NNT: variants seen among roughly 807,000 people sequenced by gnomAD.
NNT encodes the protein nicotinamide nucleotide transhydrogenase.
Under a neutral mutation model 104.8 loss-of-function variants are expected in NNT, and 50 were observed. That is an observed-to-expected ratio of 0.48 (90% CI 0.38 to 0.60). The LOEUF is 0.60. Ranked by LOEUF, NNT falls within the 20% of genes least tolerant of loss-of-function variation. NNT has a pLI of 0.00. For missense variants in NNT, 1,131 were observed against 1,330.7 expected (o/e 0.85, Z 2.33); for synonymous variants, 461 against 490.4 (o/e 0.94, Z 0.79).
At chr5:43,646,609 A>G (rs1739457709) in intron 10 of NNT, among the ~76,000 whole-genome samples, 1 of 152,082 alleles carries the variant, frequency 6.6e-6, no homozygotes, top group African/African-American at 2.4e-5. Flanking sequence ...GAAGTGATGT[A>G]TGCCATATTG....
At chr5:43,677,074 G>T (rs776667658) in intron 18 of NNT, among the ~76,000 whole-genome samples, 7 of 152,008 alleles carry the variant, frequency 4.6e-5, no homozygotes, top group Admixed American at 2.0e-4. Context: ...AGAGTGTGGG[G>T]TGGGGGGAAA....
At chr5:43,695,406 G>A (rs1313945519) in intron 19 of NNT, among the ~76,000 whole-genome samples, 1 of 152,186 alleles carries the variant, frequency 6.6e-6, no homozygotes, top group Non-Finnish European at 1.5e-5. Flanking sequence ...GCAGTGTGTT[G>A]TGGTGGCCAT....
At chr5:43,698,676 C>T (rs1467035680) in intron 19 of NNT, among the ~76,000 whole-genome samples, 1 of 151,914 alleles carries the variant, frequency 6.6e-6, no homozygotes. Context: ...ATCAATTAGC[C>T]TAGAGTAAAA....
rs1740222000 is a variant in NNT, at chr5:43,659,223, C to T, written c.2507C>T (p.Thr836Ile). ...IGGADMPVVI[T>I]VLNSYSGWAL... ...GGTGCTGACATGCCCGTCGTTATCA[C>T]TGTGCTGAACAGCTACTCAGGCTGG... Residue 836 changes from threonine (T) to isoleucine (I), a missense_variant, in exon 17 of 22, where the codon ACT becomes ATT. Thr to Ile is a moderately conservative substitution (Grantham distance 89). Transcript: ENST00000344920. 1 of 1,613,700 alleles carries T rather than the reference C, an allele frequency of 6.2e-7. No homozygotes were observed. Among genetic ancestry groups the T allele is most frequent in the Non-Finnish European group, 8.5e-7 (1 of 1,179,788 alleles).
At chr5:43,613,164 T>G (rs556309199) in intron 3 of NNT, 27 bp downstream of exon 3, 1 of 1,535,386 alleles carries the variant, frequency 6.5e-7, no homozygotes, top group South Asian at 1.2e-5. Context: ...CCTCTCCCAT[T>G]TACAGCATGC....
rs547921885 is a variant in NNT, at chr5:43,682,360, G to A, written c.2876+4554G>A. Among the ~76,000 whole-genome samples the A allele has an allele frequency of 7.2e-4, 109 of 151,556 alleles. 1 individual carries two copies. Among genetic ancestry groups the A allele is most frequent in the Admixed American group, 3.9e-3 (59 of 15,254 alleles). The stretch of plus-strand genomic sequence containing the variant: ...CAAGTAGCTGGGATTACAGGCATGC[G>A]CCACCACGCCTGACTAATTTTTGTA... On this transcript the variant is annotated intron_variant, in intron 19 of 21. Coordinates refer to ENST00000344920, the MANE Select transcript of NNT (RefSeq NM_182977.3).
chr5:43,700,318 T>C (rs1742784107), intron 20 of NNT, 81 bp downstream of exon 20: 1 of 972,702 alleles, frequency 1.0e-6, no homozygotes. Context: ...GAATTGTAGA[T>C]TCAGTGAAGA....
intron 7 of NNT, among the ~76,000 whole-genome samples, chr5:43,631,868 A>G (rs1357555004): frequency 2.0e-5 from 3 of 151,916 alleles, no homozygotes; most frequent in African/African-American, 7.3e-5. Context: ...CGATCTGAAG[A>G]TTAATGTGAA....
At chr5:43,677,847 A>G in intron 19 of NNT, 41 bp downstream of exon 19, 1 of 1,485,840 alleles carries the variant, frequency 6.7e-7, no homozygotes, top group South Asian at 1.1e-5. Context: ...ATGTGTAAAG[A>G]TGTGTGTGTG....
chr5:43,661,239 GT>G (rs2111977901), intron 17 of NNT, among the ~76,000 whole-genome samples: 1 of 152,192 alleles, frequency 6.6e-6, no homozygotes, highest in Admixed American at 6.5e-5. Context: ...AAGAAGAAAT[GT>G]TTATGAAATT....
At chr5:43,671,042 CTTCT>C (rs1477722798) in intron 17 of NNT, among the ~76,000 whole-genome samples, 1 of 152,120 alleles carries the variant, frequency 6.6e-6, no homozygotes, top group African/African-American at 2.4e-5. Flanking sequence ...ATGTAATGGC[CTTCT>C]TTGTCTCTTT....
At chr5:43,604,996 G>A (rs79231838) in intron 1 of NNT, among the ~76,000 whole-genome samples, 15,842 of 152,086 alleles carry the variant, frequency 0.1, 1,090 homozygotes, top group African/African-American at 0.18. Context: ...CCATTTTAAA[G>A]ATGAGGAAAT....
At chr5:43,674,591 C>T (rs1261719948) in intron 17 of NNT, among the ~76,000 whole-genome samples, 1 of 152,144 alleles carries the variant, frequency 6.6e-6, no homozygotes, top group African/African-American at 2.4e-5. Context: ...GTGATAAAGT[C>T]AGTTATGATT....
chr5:43,678,817 G>A (rs892346175), intron 19 of NNT, among the ~76,000 whole-genome samples: 2 of 152,178 alleles, frequency 1.3e-5, no homozygotes, highest in Non-Finnish European at 2.9e-5. Flanking sequence ...AAATCAGGGG[G>A]CTACCTTAAT....
At position 43,655,937 on chromosome 5, in the gene NNT, A is replaced by G. The variant is rs766810246; in HGVS notation, c.2157A>G (p.Ile719Met). 3.7e-6 allele frequency: 6 copies of G among 1,614,192 alleles called. No individual in the cohort carries two copies. The South Asian group carries it at 4.4e-5, about 12-fold the overall frequency. ...GTTTGGCAGCTGTACTTACTTGCAT[A>G]GCTGAGTACATTATAGAATATCCAC... ...LVGLAAVLTC[I>M]AEYIIEYPHF... Residue 719 changes from isoleucine to methionine, a missense_variant, in exon 15 of 22, where the codon ATA (isoleucine) becomes ATG (methionine). Physicochemically the swap from Ile to Met is conservative, Grantham distance 10 (BLOSUM62 1). Transcript: ENST00000344920.
intron 19 of NNT, among the ~76,000 whole-genome samples, chr5:43,690,848 C>T (rs1357066692): frequency 6.6e-6 from 1 of 151,934 alleles, no homozygotes; most frequent in Non-Finnish European, 1.5e-5. Context: ...TCCCTCTGAC[C>T]CACAAAAAAG....
In NNT at chr5:43,633,004, A is replaced by G. The variant is rs139803692; in HGVS notation, c.964+4617A>G. Among the ~76,000 whole-genome samples, 571 of 152,278 alleles carry G rather than the reference A, an allele frequency of 3.7e-3. 1 individual carries two copies. The Middle Eastern group carries it at 0.041, about 11-fold the overall frequency. On this transcript the variant is annotated intron_variant, in intron 7 of 21. Transcript: ENST00000344920. ...CTTGGGCAAATTTCACCTAAGTTCC[A>G]ATGAGAATGAAGAGAACTATGGAGC...
intron 10 of NNT, 197 bp downstream of exon 10, chr5:43,645,707 A>ATTTTTTTT (rs1561286676): frequency 4.7e-5 from 4 of 85,240 alleles, no homozygotes; most frequent in Non-Finnish European, 6.6e-5. Flanking sequence ...ATATATATAT[A>ATTTTTTTT]TATTTTTTTT....
intron 6 of NNT, among the ~76,000 whole-genome samples, chr5:43,625,787 G>C (rs1374197137): frequency 6.6e-6 from 1 of 152,114 alleles, no homozygotes; most frequent in South Asian, 2.1e-4. Flanking sequence ...AATAGTACAT[G>C]ATTATTCTTC....
Sources: gnomAD v4.1 joint callset for allele counts (sites outside exome capture counted in the v4.1 genomes callset) on GRCh38, gnomAD v4.1.1 for gene constraint, MANE v1.5 for transcripts, NCBI Gene and HGNC (gene_info 2026-07-23, HGNC 2026-07-21) for gene names.